Variants in RBMS3 observed in about 807,000 individuals in gnomAD.
The protein encoded by RBMS3 is RNA-binding motif, single-stranded-interacting protein 3.
Under a neutral mutation model 66.8 loss-of-function variants are expected in RBMS3, and 27 were observed. The ratio of observed to expected loss-of-function variants is 0.40; its 90% confidence interval spans 0.30 to 0.56. The LOEUF is 0.56. Ranked by LOEUF, RBMS3 falls within the 20% of genes least tolerant of loss-of-function variation. The pLI, the probability that RBMS3 is intolerant of heterozygous loss-of-function variation, is 0.40. For missense variants in RBMS3, 513 were observed against 549.5 expected (o/e 0.93, Z 0.66); for synonymous variants, 188 against 183.0 (o/e 1.03, Z -0.22).
At chr3:29,795,798 G>A (rs2057163977) in intron 6 of RBMS3, among the ~76,000 whole-genome samples, 1 of 152,132 alleles carries the variant, frequency 6.6e-6, no homozygotes, top group South Asian at 2.1e-4. Context: ...TTAGCAGGAA[G>A]GAATATTAGG....
intron 1 of RBMS3, among the ~76,000 whole-genome samples, chr3:29,364,008 A>G (rs2037760215): frequency 6.6e-6 from 1 of 152,114 alleles, no homozygotes; most frequent in Non-Finnish European, 1.5e-5. Flanking sequence ...AATATTCATC[A>G]GATTTTTAAA....
In RBMS3 at chr3:30,009,540, A is replaced by G. The variant is rs1043211800; in HGVS notation, c.*5678A>G. 1 of 152,176 alleles carries G rather than the reference A, an allele frequency of 6.6e-6. No individual in the cohort carries two copies. Among genetic ancestry groups the G allele is most frequent in the Middle Eastern group, 3.2e-3 (1 of 316 alleles). The allele number at this position is 152,176 out of a possible 1,614,324, so 9.4% of individuals were successfully genotyped here. A position where few individuals can be genotyped will look rare whatever the true frequency, so the allele number is the denominator to read the frequency against. On this transcript the variant is annotated 3_prime_UTR_variant, in exon 15 of 15. Transcript: ENST00000383767. ...ATAGCAAAGAATTCAGCTTCCCTCA[A>G]AAGAAAGCTATTTTTGTTTCCTTCA...
At chr3:29,443,512 G>A (rs1344599873) in intron 2 of RBMS3, among the ~76,000 whole-genome samples, 3 of 152,158 alleles carry the variant, frequency 2.0e-5, no homozygotes, top group Admixed American at 2.0e-4. Flanking sequence ...TCTCTTTAAT[G>A]TGAGACTTCA....
intron 3 of RBMS3, among the ~76,000 whole-genome samples, chr3:29,584,626 T>A (rs1392147170): frequency 6.6e-6 from 1 of 152,132 alleles, no homozygotes; most frequent in African/African-American, 2.4e-5. Flanking sequence ...ACATATCCAC[T>A]CACCCAGTGG....
intron 1 of RBMS3, among the ~76,000 whole-genome samples, chr3:29,311,129 A>C (rs1346452185): frequency 1.3e-5 from 2 of 151,798 alleles, no homozygotes; most frequent in African/African-American, 4.8e-5. Flanking sequence ...GCCAGTGAGC[A>C]TGGCACTGGT....
chr3:29,732,339 T>C (rs1347289856), intron 4 of RBMS3, among the ~76,000 whole-genome samples: 2 of 152,234 alleles, frequency 1.3e-5, no homozygotes, highest in South Asian at 2.1e-4. Context: ...TTTTGTTTTA[T>C]TCAAGTCTTC....
chr3:29,912,258 A>G (rs1341587449), intron 10 of RBMS3, among the ~76,000 whole-genome samples: 1 of 152,092 alleles, frequency 6.6e-6, no homozygotes, highest in Non-Finnish European at 1.5e-5. Flanking sequence ...ATAATAAGTT[A>G]CACTTTATAG....
intron 6 of RBMS3, among the ~76,000 whole-genome samples, chr3:29,803,397 G>A (rs2057448743): frequency 1.3e-5 from 2 of 152,038 alleles, no homozygotes; most frequent in Non-Finnish European, 2.9e-5. Flanking sequence ...TATCTAAATG[G>A]CAAAATAGAA....
chr3:29,469,538 A>G (rs1255320173), intron 2 of RBMS3, among the ~76,000 whole-genome samples: 7 of 151,942 alleles, frequency 4.6e-5, no homozygotes, highest in Non-Finnish European at 1.0e-4. Flanking sequence ...AAAATAACAG[A>G]ATTGCAGTCT....
chr3:29,653,726 T>A (rs527843013), intron 4 of RBMS3, among the ~76,000 whole-genome samples: 1 of 152,204 alleles, frequency 6.6e-6, no homozygotes, highest in Admixed American at 6.5e-5. Flanking sequence ...AAATCAGCCC[T>A]ACAGCGATTC....
At chr3:29,333,655 T>G (rs2035791479) in intron 1 of RBMS3, among the ~76,000 whole-genome samples, 1 of 152,128 alleles carries the variant, frequency 6.6e-6, no homozygotes, top group South Asian at 2.1e-4. Context: ...CTTGAAATAT[T>G]CAATAAAGAG....
intron 13 of RBMS3, 79 bp downstream of exon 13, chr3:29,988,302 G>A (rs940627694): frequency 8.2e-7 from 1 of 1,221,152 alleles, no homozygotes. Flanking sequence ...CATAACCATA[G>A]GAATCCTCAC....
intron 1 of RBMS3, among the ~76,000 whole-genome samples, chr3:29,356,589 A>G (rs1295205405): frequency 2.6e-5 from 4 of 152,194 alleles, no homozygotes; most frequent in South Asian, 4.1e-4. Flanking sequence ...CCAAATGTGC[A>G]TATGAAAATA....
chr3:29,400,453 A>G (rs1430940074), intron 1 of RBMS3, among the ~76,000 whole-genome samples: 2 of 152,164 alleles, frequency 1.3e-5, no homozygotes, highest in Non-Finnish European at 2.9e-5. Context: ...TTTAATGAGT[A>G]AAGAGTTGCG....
chr3:29,663,320 T>C (rs2050628632), intron 4 of RBMS3, among the ~76,000 whole-genome samples: 1 of 152,234 alleles, frequency 6.6e-6, no homozygotes, highest in South Asian at 2.1e-4. Context: ...CTAAAATTCC[T>C]TAGTAGCCTA....
At chr3:29,518,196 T>C (rs1450810008) in intron 3 of RBMS3, among the ~76,000 whole-genome samples, 1 of 152,204 alleles carries the variant, frequency 6.6e-6, no homozygotes, top group Non-Finnish European at 1.5e-5. Context: ...CTAGCACCTG[T>C]ATTACTGTCA....
chr3:29,497,199 C>T (rs561448375), intron 3 of RBMS3, among the ~76,000 whole-genome samples: 47 of 152,008 alleles, frequency 3.1e-4, no homozygotes, highest in African/African-American at 8.7e-4. Context: ...TTAGTAGAGA[C>T]GGGGTTTCAC....
Position 29,762,983 on chromosome 3 carries a change from A to C in RBMS3, c.631A>C (p.Ile211Leu). The C allele has an allele frequency of 6.2e-7, 1 of 1,601,506 alleles. No homozygotes were observed. The highest frequency in any genetic ancestry group is 2.2e-5 in the East Asian group (1 of 44,730). Residue 211 changes from isoleucine (I) to leucine (L), a missense_variant, in exon 6 of 15, where the codon ATC becomes CTC. Physicochemically the swap from Ile to Leu is conservative, Grantham distance 5 (BLOSUM62 2). Transcript: ENST00000383767. Reference sequence around the variant, plus strand: ...AAAATATCTGAAAACACCACCAGGCATCCCAGGTAAGAAATTCACTAATAA... The same window carrying C: ...AAAATATCTGAAAACACCACCAGGCCTCCCAGGTAAGAAATTCACTAATAA... ...NGKYLKTPPGIPAPSEPLLCK... is the reference protein window; with the variant it reads ...NGKYLKTPPGLPAPSEPLLCK...
intron 1 of RBMS3, among the ~76,000 whole-genome samples, chr3:29,390,568 A>G (rs1237442858): frequency 6.6e-6 from 1 of 152,198 alleles, no homozygotes; most frequent in Non-Finnish European, 1.5e-5. Flanking sequence ...AAAAAAATGA[A>G]AAGACATGCC....
Sources: allele counts gnomAD v4.1 joint callset (sites outside exome capture counted in the v4.1 genomes callset), GRCh38; gene constraint gnomAD v4.1.1; transcripts MANE v1.5; gene names NCBI Gene and HGNC (gene_info 2026-07-23, HGNC 2026-07-21).